TSPEAR: variants seen among roughly 807,000 people sequenced by gnomAD.
TSPEAR encodes the protein thrombospondin-type laminin G domain and EAR repeat-containing protein.
In TSPEAR, 69 loss-of-function variants were observed where a neutral mutation model predicts 71.6. The observed-to-expected ratio is 0.96, with a 90% CI of 0.79 to 1.18. The LOEUF (loss-of-function observed/expected upper bound fraction) is 1.18, where lower values mean the gene tolerates loss of function less well. Among genes scored for constraint, TSPEAR ranks in the 50% most tolerant of loss-of-function variants. The pLI is 0.00. For synonymous variants in TSPEAR, 402 were observed against 387.2 expected (o/e 1.04, Z -0.45); for missense variants, 971 against 894.9 (o/e 1.09, Z -1.09).
intron 9 of TSPEAR, chr21:44,518,921 G>A (rs1366581666): frequency 1.6e-5 from 4 of 254,012 alleles, no homozygotes; most frequent in African/African-American, 4.5e-5. Flanking sequence ...GTGGAGCCCC[G>A]GGTGTTTCCA....
intron 1 of TSPEAR, chr21:44,697,359 C>G (rs781903322): frequency 6.2e-7 from 1 of 1,613,242 alleles, no homozygotes; most frequent in South Asian, 1.1e-5. Flanking sequence ...CTGGTCTGCA[C>G]CCCAGTGAGC....
At chr21:44,659,120 C>G (rs1985343108) in intron 1 of TSPEAR, among the ~76,000 whole-genome samples, 1 of 152,180 alleles carries the variant, frequency 6.6e-6, no homozygotes, top group African/African-American at 2.4e-5. Flanking sequence ...ACAGAGAGCC[C>G]TCCTTTCTCC....
At chr21:44,610,988 A>G (rs2146172114) in intron 1 of TSPEAR, among the ~76,000 whole-genome samples, 1 of 152,292 alleles carries the variant, frequency 6.6e-6, no homozygotes, top group South Asian at 2.1e-4. Context: ...TATTTACCCA[A>G]TACCTGTACC....
At chr21:44,702,818 G>A in intron 1 of TSPEAR, 1 of 1,121,968 alleles carries the variant, frequency 8.9e-7, no homozygotes, top group Non-Finnish European at 1.3e-6. Flanking sequence ...CGTCCCCCAG[G>A]GCCAGCCAGG....
chr21:44,558,627 G>C (rs377599185), intron 2 of TSPEAR: 6 of 1,611,448 alleles, frequency 3.7e-6, no homozygotes, highest in Non-Finnish European at 5.1e-6. Context: ...GGCGCAGCAG[G>C]GGGGCTCACA....
At chr21:44,528,104 GC>G (rs2052893839) in intron 6 of TSPEAR, among the ~76,000 whole-genome samples, 1 of 152,174 alleles carries the variant, frequency 6.6e-6, no homozygotes, top group South Asian at 2.1e-4. Context: ...ACCACGCGAT[GC>G]CCAGCCCTGT....
At chr21:44,509,455 AGAGGTGTGGGG>A in intron 9 of TSPEAR, 69 bp from the exon 10 acceptor site, 1 of 711,620 alleles carries the variant, frequency 1.4e-6, no homozygotes, top group African/African-American at 2.4e-5. Flanking sequence ...GAGCGGGCGC[AGAGGTGTGGGG>A]GAGCGGGCGC....
intron 1 of TSPEAR, among the ~76,000 whole-genome samples, chr21:44,633,691 G>A (rs1983381264): frequency 6.6e-6 from 1 of 152,138 alleles, no homozygotes; most frequent in Admixed American, 6.5e-5. Flanking sequence ...TTCTGCTGTT[G>A]TTGGGTTGAA....
Position 44,687,371 on chromosome 21 carries a change from C to A in TSPEAR, c.82+24062G>T, listed in dbSNP as rs1986906038. The stretch of plus-strand genomic sequence containing the variant: ...TCCCACTGTATCATAACAGAAAAAA[C>A]CGGAACGGCCCATGTGCCCATTAGC... On this transcript the variant is annotated intron_variant, in intron 1 of 11. Transcript: ENST00000323084. The surrounding 1 kb of genome is among the most constrained non-coding windows in gnomAD (Gnocchi z 4.4). Among the ~76,000 whole-genome samples, 1 of 152,138 alleles carries A rather than the reference C, an allele frequency of 6.6e-6. No homozygotes were observed. Among genetic ancestry groups the A allele is most frequent in the African/African-American group, 2.4e-5 (1 of 41,416 alleles).
At chr21:44,583,174 C>G in intron 1 of TSPEAR, among the ~76,000 whole-genome samples, 1 of 15,728 alleles carries the variant, frequency 6.4e-5, no homozygotes, top group African/African-American at 1.4e-4. Context: ...CAAGCAGACA[C>G]TCTGGGGATC....
intron 1 of TSPEAR, among the ~76,000 whole-genome samples, chr21:44,648,051 G>A (rs1297522680): frequency 6.6e-6 from 1 of 152,244 alleles, no homozygotes; most frequent in African/African-American, 2.4e-5. Context: ...CCGTGGAAAA[G>A]GTGCCCACAC....
chr21:44,551,497 A>AGTGAGTAAGTGT (rs1555919007), intron 2 of TSPEAR: 1 of 1,548,322 alleles, frequency 6.5e-7, no homozygotes, highest in Non-Finnish European at 8.8e-7. Flanking sequence ...GAGGTGTGTG[A>AGTGAGTAAGTGT]GTGAGTGAGT....
chr21:44,543,584 T>C (rs2053255760), intron 2 of TSPEAR, among the ~76,000 whole-genome samples: 1 of 152,174 alleles, frequency 6.6e-6, no homozygotes, highest in Admixed American at 6.5e-5. Context: ...TACGGGATCA[T>C]AGTGAACCTT....
intron 1 of TSPEAR, chr21:44,682,206 C>T: frequency 4.0e-6 from 6 of 1,487,268 alleles, no homozygotes; most frequent in Non-Finnish European, 5.5e-6. Context: ...ATACCTGGAC[C>T]CAGGCATCCC....
intron 2 of TSPEAR, among the ~76,000 whole-genome samples, chr21:44,540,754 G>T (rs2053206696): frequency 6.6e-6 from 1 of 152,180 alleles, no homozygotes; most frequent in Non-Finnish European, 1.5e-5. Flanking sequence ...GCCCCAAACA[G>T]GGAGAAGGGG....
At chr21:44,688,301 TCAA>T (rs1555949196) in intron 1 of TSPEAR, among the ~76,000 whole-genome samples, 4 of 151,230 alleles carry the variant, frequency 2.6e-5, no homozygotes, top group Non-Finnish European at 5.9e-5. Context: ...AAGCCAACAC[TCAA>T]ACAGTGTGGC....
At chr21:44,661,343 C>T (rs1555943570) in intron 1 of TSPEAR, among the ~76,000 whole-genome samples, 1 of 146,484 alleles carries the variant, frequency 6.8e-6, no homozygotes, top group Non-Finnish European at 1.5e-5. Flanking sequence ...AAAATAGTGA[C>T]AGTGCATTGT....
chr21:44,513,571 G>A (rs892977743), intron 9 of TSPEAR, among the ~76,000 whole-genome samples: 2 of 152,222 alleles, frequency 1.3e-5, no homozygotes, highest in Admixed American at 1.3e-4. Context: ...ACGGTGCCTG[G>A]CAGCTCAGGA....
At position 44,506,870 on chromosome 21, in the gene TSPEAR, C is replaced by T. The variant is rs1204626091; in HGVS notation, c.1755-1989G>A. The T allele has an allele frequency of 2.0e-5, 3 of 152,130 alleles. No individual in the cohort carries two copies. The highest frequency in any genetic ancestry group is 7.2e-5 in the African/African-American group (3 of 41,410). 9.4% of individuals were successfully genotyped at this position (152,130 alleles called of 1,614,324 possible). ...CGAGGCTCACATCAGAAGCCGGCTT[C>T]GGTTTCACCACAAAATAAGGCATCT... On this transcript the variant is annotated intron_variant, in intron 10 of 11. Coordinates refer to ENST00000323084, the MANE Select transcript of TSPEAR (RefSeq NM_144991.3). This position sits in a 1 kb window ranked among gnomAD's most constrained non-coding sequence, Gnocchi z 4.2.
Sources: gnomAD v4.1 joint callset for allele counts (sites outside exome capture counted in the v4.1 genomes callset) on GRCh38, gnomAD v4.1.1 for gene constraint, Gnocchi (gnomAD v3.1) non-coding constraint, MANE v1.5 for transcripts, NCBI Gene and HGNC (gene_info 2026-07-23, HGNC 2026-07-21) for gene names.